KCNQ5: variants seen among roughly 807,000 people sequenced by gnomAD.
KCNQ5 encodes potassium voltage-gated channel subfamily Q member 5.
Under a neutral mutation model 98.2 loss-of-function variants are expected in KCNQ5, and 30 were observed. The observed-to-expected ratio is 0.31, with a 90% CI of 0.23 to 0.41. The LOEUF is 0.41. KCNQ5 is among the 10% of genes least tolerant of loss of function. The probability of loss-of-function intolerance (pLI) is 1.00; values close to 1 mark genes in which losing one functional copy is unlikely to be tolerated. For missense variants in KCNQ5, 835 were observed against 1,182.5 expected (o/e 0.71, Z 4.31); for synonymous variants, 458 against 449.4 (o/e 1.02, Z -0.24).
At position 73,192,599 on chromosome 6, in the gene KCNQ5, T is replaced by G; in HGVS notation, c.1744T>G (p.Ser582Ala). ...AATTCTTGGAAAAGGGCAAATCACA[T>G]CAGATAAGAAGAGCCGAGAGAAAAT... The part of the protein sequence containing the change: ...DQILGKGQIT[S>A]DKKSREKITA... The change falls in exon 13 of 14, where the codon TCA (serine) becomes GCA (alanine). Residue 582 changes from serine (S) to alanine (A), a missense_variant. By Grantham distance (99) the Ser-to-Ala change is moderately conservative. Transcript: ENST00000370398. 6.2e-7 allele frequency: 1 copy of G among 1,611,374 alleles called. No homozygotes were observed. Among genetic ancestry groups the G allele is most frequent in the African/African-American group, 1.3e-5 (1 of 74,836 alleles).
intron 1 of KCNQ5, among the ~76,000 whole-genome samples, chr6:72,976,734 G>A (rs1028126579): frequency 2.2e-4 from 34 of 152,174 alleles, no homozygotes; most frequent in African/African-American, 8.0e-4. Context: ...ACTGACTGCA[G>A]CCAAGCAGCT....
intron 1 of KCNQ5, among the ~76,000 whole-genome samples, chr6:72,652,887 G>T (rs1765945926): frequency 6.6e-6 from 1 of 151,936 alleles, no homozygotes; most frequent in Non-Finnish European, 1.5e-5. Flanking sequence ...AAATGAGAGT[G>T]GTTAGAACTA....
intron 5 of KCNQ5, among the ~76,000 whole-genome samples, chr6:73,098,188 C>T (rs913380614): frequency 6.6e-6 from 1 of 151,946 alleles, no homozygotes; most frequent in Non-Finnish European, 1.5e-5. Flanking sequence ...GAAGAAAGAA[C>T]TAGTGAGCAT....
At chr6:73,121,559 T>C (rs1775750179) in intron 8 of KCNQ5, among the ~76,000 whole-genome samples, 1 of 152,206 alleles carries the variant, frequency 6.6e-6, no homozygotes, top group Admixed American at 6.5e-5. Flanking sequence ...ATCCGACATT[T>C]GAGAGCACCA....
At chr6:72,914,866 A>G (rs1023076276) in intron 1 of KCNQ5, among the ~76,000 whole-genome samples, 2 of 151,150 alleles carry the variant, frequency 1.3e-5, no homozygotes, top group Non-Finnish European at 2.9e-5. Flanking sequence ...TGGAGGTGGG[A>G]GCCTTTGGAA....
At chr6:72,745,894 G>T (rs1334303672) in intron 1 of KCNQ5, among the ~76,000 whole-genome samples, 2 of 151,938 alleles carry the variant, frequency 1.3e-5, no homozygotes, top group South Asian at 2.1e-4. Context: ...GCGTGTAGCC[G>T]CCTCACTCCG....
intron 2 of KCNQ5, among the ~76,000 whole-genome samples, chr6:73,017,848 G>A (rs948851645): frequency 6.6e-6 from 1 of 152,078 alleles, no homozygotes; most frequent in African/African-American, 2.4e-5. Flanking sequence ...CACTGCAGAA[G>A]AGTCTTAACA....
At chr6:72,808,509 G>A (rs1051004026) in intron 1 of KCNQ5, among the ~76,000 whole-genome samples, 1 of 152,102 alleles carries the variant, frequency 6.6e-6, no homozygotes, top group African/African-American at 2.4e-5. Context: ...TTTCTCCTAT[G>A]TCTTATGTTA....
intron 1 of KCNQ5, among the ~76,000 whole-genome samples, chr6:72,757,379 T>G (rs572945747): frequency 6.6e-6 from 1 of 152,302 alleles, no homozygotes; most frequent in Non-Finnish European, 1.5e-5. Flanking sequence ...CCATTTATGA[T>G]GGGGTTATGT....
chr6:73,041,896 C>T, intron 2 of KCNQ5, 40 bp from the exon 3 acceptor site: 1 of 1,612,670 alleles, frequency 6.2e-7, no homozygotes, highest in Non-Finnish European at 8.5e-7. Context: ...TGGTTTGCTC[C>T]ATAATGCTTC....
intron 5 of KCNQ5, among the ~76,000 whole-genome samples, chr6:73,100,438 A>G (rs969088014): frequency 6.6e-6 from 1 of 152,096 alleles, no homozygotes; most frequent in African/African-American, 2.4e-5. Flanking sequence ...AGGCTGAGGC[A>G]GGCGGATCAT....
intron 3 of KCNQ5, chr6:73,055,415 G>A: frequency 6.6e-7 from 1 of 1,520,810 alleles, no homozygotes; most frequent in South Asian, 1.1e-5. Context: ...ACATAGTGAA[G>A]CCCAGGTGAA....
At chr6:72,765,135 C>G (rs996132646) in intron 1 of KCNQ5, among the ~76,000 whole-genome samples, 1 of 152,010 alleles carries the variant, frequency 6.6e-6, no homozygotes, top group African/African-American at 2.4e-5. Flanking sequence ...GGGTATACAC[C>G]TAGCAGTGGG....
At chr6:73,130,652 T>G (rs768779505) in intron 9 of KCNQ5, among the ~76,000 whole-genome samples, 1 of 152,230 alleles carries the variant, frequency 6.6e-6, no homozygotes, top group Non-Finnish European at 1.5e-5. Context: ...AGTCTATATT[T>G]TTAATCAATT....
rs561157694 is a variant in KCNQ5, at chr6:73,193,840, T to G, written c.1837-612T>G. Among the ~76,000 whole-genome samples the G allele has an allele frequency of 2.1e-4, 32 of 149,714 alleles. 1 individual carries two copies. The East Asian group carries it at 6.0e-3, about 28-fold the overall frequency. ...AATCTGACAGGAATGGGAAGTCTTTTTTTTTTTTTTTTTTTCAGACAGGGA... is the reference window on the plus strand; with the variant it reads ...AATCTGACAGGAATGGGAAGTCTTTGTTTTTTTTTTTTTTTCAGACAGGGA... On this transcript the variant is annotated intron_variant, in intron 13 of 13. Coordinates refer to ENST00000370398, the MANE Select transcript of KCNQ5 (RefSeq NM_019842.4).
At chr6:73,096,181 TG>T (rs1049652919) in intron 5 of KCNQ5, among the ~76,000 whole-genome samples, 12 of 151,966 alleles carry the variant, frequency 7.9e-5, no homozygotes, top group African/African-American at 2.4e-4. Context: ...GGGAGAAAGA[TG>T]TAGGCTGGGA....
intron 1 of KCNQ5, among the ~76,000 whole-genome samples, chr6:72,925,633 A>C (rs1216845447): frequency 3.3e-5 from 5 of 152,206 alleles, no homozygotes; most frequent in African/African-American, 1.2e-4. Context: ...AGAGCTCATA[A>C]AGGCTTTGGG....
rs181098045 is a variant in KCNQ5, at chr6:72,876,979, C to G, written c.399-126929C>G. Among the ~76,000 whole-genome samples the G allele has an allele frequency of 6.0e-4, 91 of 152,290 alleles. 1 individual carries two copies. The highest frequency in any genetic ancestry group is 2.1e-3 in the African/African-American group (89 of 41,574). On this transcript the variant is annotated intron_variant, in intron 1 of 13. Coordinates refer to ENST00000370398, the MANE Select transcript of KCNQ5 (RefSeq NM_019842.4). ...ACCATCTGCTGCGGTGTCAAGTAGT[C>G]TTTTGCAGAGAAATGGTTTTTCATG...
intron 1 of KCNQ5, among the ~76,000 whole-genome samples, chr6:72,801,678 G>A (rs1392229345): frequency 1.4e-3 from 212 of 147,094 alleles, no homozygotes; most frequent in African/African-American, 5.2e-3. Flanking sequence ...TATGACGTTA[G>A]CTGGTTATTT....
Sources: gnomAD v4.1 joint callset for allele counts (sites outside exome capture counted in the v4.1 genomes callset) on GRCh38, gnomAD v4.1.1 for gene constraint, MANE v1.5 for transcripts, NCBI Gene and HGNC (gene_info 2026-07-23, HGNC 2026-07-21) for gene names.